CA10: variants seen among roughly 807,000 people sequenced by gnomAD.
CA10 encodes carbonic anhydrase-related protein 10.
A neutral mutation model predicts 44.2 loss-of-function variants in CA10; 14 were observed. The observed-to-expected ratio is 0.32, with a 90% confidence interval of 0.21 to 0.50. CA10 has a LOEUF of 0.50. Ranked by LOEUF, CA10 falls within the 20% of genes least tolerant of loss-of-function variation. The pLI, the probability that CA10 is intolerant of heterozygous loss-of-function variation, is 0.99. For synonymous variants in CA10, 159 were observed against 141.6 expected, an observed-to-expected ratio of 1.12 and a Z score of -0.87; for missense variants, 350 against 409.7, an observed-to-expected ratio of 0.85 and a Z score of 1.26.
At chr17:52,067,536 G>T (rs1987570478) in intron 2 of CA10, among the ~76,000 whole-genome samples, 1 of 152,222 alleles carries the variant, frequency 6.6e-6, no homozygotes, top group Admixed American at 6.5e-5. Flanking sequence ...CCCCACTGGG[G>T]CACTGCCTAG....
At chr17:51,955,525 T>C (rs1436963349) in intron 2 of CA10, among the ~76,000 whole-genome samples, 1 of 152,132 alleles carries the variant, frequency 6.6e-6, no homozygotes, top group African/African-American at 2.4e-5. Context: ...TTGGGCATGC[T>C]TTTACTTTTT....
intron 3 of CA10, among the ~76,000 whole-genome samples, chr17:51,847,020 C>G (rs1174404475): frequency 6.6e-6 from 1 of 152,164 alleles, no homozygotes; most frequent in Non-Finnish European, 1.5e-5. Context: ...ATAATATGGA[C>G]AGTTTAGTGT....
At position 52,105,487 on chromosome 17, in the gene CA10, C is replaced by T. The variant is rs145101276; in HGVS notation, c.62-33094G>A. ...AGCCAGGATGGTCTCAATCTCCTGA[C>T]CTCGTGATCTGCCCGCCCTGGCCTC... On this transcript the variant is annotated intron_variant, in intron 1 of 8. Coordinates refer to ENST00000451037, the MANE Select transcript of CA10 (RefSeq NM_020178.5). Among the ~76,000 whole-genome samples the T allele has an allele frequency of 3.2e-3, 488 of 152,296 alleles. 2 individuals carry two copies. Among genetic ancestry groups the T allele is most frequent in the African/African-American group, 0.011 (465 of 41,556 alleles).
intron 1 of CA10, among the ~76,000 whole-genome samples, chr17:52,144,883 C>T (rs1486103738): frequency 1.3e-5 from 2 of 152,004 alleles, no homozygotes. Context: ...ATTTCAAGCC[C>T]GCTTAACTCC....
At chr17:51,771,976 G>C (rs9915707) in intron 3 of CA10, among the ~76,000 whole-genome samples, 46,235 of 152,064 alleles carry the variant, frequency 0.3, 8,345 homozygotes, top group East Asian at 0.52. Flanking sequence ...CCTCATCTGT[G>C]GCCACGTGCT....
At chr17:52,100,895 T>A (rs900657692) in intron 1 of CA10, among the ~76,000 whole-genome samples, 1 of 152,228 alleles carries the variant, frequency 6.6e-6, no homozygotes, top group Admixed American at 6.5e-5. Context: ...GGTAGGCTTT[T>A]TGGAGGAAAT....
At chr17:52,041,130 C>A (rs182305146) in intron 2 of CA10, among the ~76,000 whole-genome samples, 5 of 152,068 alleles carry the variant, frequency 3.3e-5, no homozygotes, top group Admixed American at 3.3e-4. Context: ...TTCCAAGTAG[C>A]TTAACTGCAT....
At chr17:51,717,718 CGT>C (rs1156345618) in intron 4 of CA10, among the ~76,000 whole-genome samples, 2,017 of 19,890 alleles carry the variant, frequency 0.1, 288 homozygotes, top group East Asian at 0.14. Flanking sequence ...TACATATATA[CGT>C]ATATATACAT....
chr17:51,843,338 C>T (rs1285074886), intron 3 of CA10, among the ~76,000 whole-genome samples: 3 of 152,224 alleles, frequency 2.0e-5, no homozygotes, highest in South Asian at 2.1e-4. Flanking sequence ...TCTAATTACA[C>T]AGCCTTTGAA....
chr17:51,793,561 T>C (rs1195296311), intron 3 of CA10, among the ~76,000 whole-genome samples: 4 of 152,222 alleles, frequency 2.6e-5, no homozygotes, highest in Non-Finnish European at 5.9e-5. Context: ...AACTGTTGGC[T>C]CAGATGGAGG....
At chr17:52,051,375 G>C (rs1339946181) in intron 2 of CA10, among the ~76,000 whole-genome samples, 1 of 151,516 alleles carries the variant, frequency 6.6e-6, no homozygotes, top group Non-Finnish European at 1.5e-5. Flanking sequence ...CTACAGAATG[G>C]GAGAAAAATT....
At chr17:51,674,908 T>C (rs1914563081) in intron 4 of CA10, among the ~76,000 whole-genome samples, 1 of 152,226 alleles carries the variant, frequency 6.6e-6, no homozygotes, top group South Asian at 2.1e-4. Flanking sequence ...CCATCCTTTT[T>C]AGGCTGCTGC....
intron 3 of CA10, among the ~76,000 whole-genome samples, chr17:51,893,039 A>G (rs1471502600): frequency 6.6e-6 from 1 of 152,210 alleles, no homozygotes; most frequent in African/African-American, 2.4e-5. Context: ...CTTTATGCTT[A>G]ATAAGTGATG....
chr17:52,109,375 G>A (rs181661177), intron 1 of CA10, among the ~76,000 whole-genome samples: 3 of 152,286 alleles, frequency 2.0e-5, no homozygotes, highest in Non-Finnish European at 4.4e-5. Context: ...CATATTTCCA[G>A]GGGAAAACCA....
At chr17:51,650,307 G>A (rs16950253) in intron 5 of CA10, among the ~76,000 whole-genome samples, 14,723 of 152,198 alleles carry the variant, frequency 0.097, 1,013 homozygotes, top group African/African-American at 0.19. Flanking sequence ...TGTAATTTAT[G>A]TCTCAGTGGC....
intron 3 of CA10, among the ~76,000 whole-genome samples, chr17:51,822,127 A>G (rs1907825420): frequency 6.6e-6 from 1 of 152,098 alleles, no homozygotes; most frequent in African/African-American, 2.4e-5. Context: ...ATCTCATATT[A>G]AAAACCCCAT....
intron 1 of CA10, among the ~76,000 whole-genome samples, chr17:52,126,891 G>A (rs1989131616): frequency 6.6e-6 from 1 of 152,146 alleles, no homozygotes; most frequent in African/African-American, 2.4e-5. Context: ...ATTACATTTT[G>A]CTAAAGAATG....
chr17:52,135,787 G>C (rs1989344278), intron 1 of CA10, among the ~76,000 whole-genome samples: 1 of 152,162 alleles, frequency 6.6e-6, no homozygotes, highest in Non-Finnish European at 1.5e-5. Context: ...CCACTCTGTA[G>C]CTGGAGGGGT....
At chr17:52,080,673 T>A (rs990783875) in intron 1 of CA10, among the ~76,000 whole-genome samples, 1 of 152,054 alleles carries the variant, frequency 6.6e-6, no homozygotes, top group African/African-American at 2.4e-5. Flanking sequence ...CTTCCTGCTG[T>A]CCCCAGGTAT....
Sources: gnomAD v4.1 joint callset for allele counts (sites outside exome capture counted in the v4.1 genomes callset) on GRCh38, gnomAD v4.1.1 for gene constraint, MANE v1.5 for transcripts, NCBI Gene and HGNC (gene_info 2026-07-23, HGNC 2026-07-21) for gene names.